Variants in OPCML observed in about 807,000 individuals in gnomAD.
The protein encoded by OPCML is opioid binding protein/cell adhesion molecule like, also known as opioid-binding protein/cell adhesion molecule.
Under a neutral mutation model 37.8 loss-of-function variants are expected in OPCML, and 13 were observed. That is an observed-to-expected ratio of 0.34 (90% confidence interval 0.22 to 0.55). The LOEUF is 0.55. OPCML is among the 20% of genes least tolerant of loss of function. The pLI is 0.91. For missense variants in OPCML, 341 were observed against 435.6 expected, an observed-to-expected ratio of 0.78 and a Z score of 1.93; for synonymous variants, 176 against 168.8, an observed-to-expected ratio of 1.04 and a Z score of -0.33.
intron 1 of OPCML, among the ~76,000 whole-genome samples, chr11:133,310,372 C>T (rs182762809): frequency 6.6e-6 from 1 of 152,266 alleles, no homozygotes; most frequent in African/African-American, 2.4e-5. Flanking sequence ...TTCAGTCTGT[C>T]AGCTCAGCTC....
chr11:133,239,002 G>A (rs761550741), intron 1 of OPCML, among the ~76,000 whole-genome samples: 9 of 152,156 alleles, frequency 5.9e-5, no homozygotes, highest in Non-Finnish European at 1.0e-4. Context: ...AGGCAGCCTG[G>A]GTGGGGACAG....
chr11:133,489,154 G>A (rs1047038310), intron 1 of OPCML, among the ~76,000 whole-genome samples: 4 of 151,944 alleles, frequency 2.6e-5, no homozygotes, highest in African/African-American at 9.7e-5. Flanking sequence ...AACTTTTCTG[G>A]ACATTGGCCT....
At chr11:133,106,470 GC>G (rs1383049666) in intron 1 of OPCML, among the ~76,000 whole-genome samples, 3 of 152,216 alleles carry the variant, frequency 2.0e-5, no homozygotes, top group Non-Finnish European at 4.4e-5. Flanking sequence ...CAGAGCTCAA[GC>G]TTTTATGCAC....
At chr11:133,522,231 T>C (rs1948410450) in intron 1 of OPCML, among the ~76,000 whole-genome samples, 2 of 152,206 alleles carry the variant, frequency 1.3e-5, no homozygotes, top group South Asian at 2.1e-4. Flanking sequence ...TTCTCTTGGC[T>C]TAGTGCAGAG....
chr11:133,469,652 C>A (rs964086153), intron 1 of OPCML, among the ~76,000 whole-genome samples: 7 of 151,976 alleles, frequency 4.6e-5, no homozygotes, highest in Admixed American at 1.3e-4. Context: ...CAGGAAGAAT[C>A]CTCATCTCTA....
chr11:133,161,293 T>C (rs1950138145), intron 1 of OPCML, among the ~76,000 whole-genome samples: 1 of 152,196 alleles, frequency 6.6e-6, no homozygotes, highest in Admixed American at 6.5e-5. Context: ...AGAGGAGATA[T>C]CGAGTGGCAT....
At chr11:133,432,516 T>G (rs1366547193) in intron 1 of OPCML, among the ~76,000 whole-genome samples, 1 of 152,088 alleles carries the variant, frequency 6.6e-6, no homozygotes, top group African/African-American at 2.4e-5. Context: ...GCTGGGATTA[T>G]AGGCACGAGC....
chr11:132,822,168 C>T (rs1940030356), intron 2 of OPCML, among the ~76,000 whole-genome samples: 1 of 152,094 alleles, frequency 6.6e-6, no homozygotes, highest in South Asian at 2.1e-4. Context: ...TAAGACTACA[C>T]AGCTGGTGTG....
chr11:133,397,061 G>C (rs151257272), intron 1 of OPCML, among the ~76,000 whole-genome samples: 1 of 152,134 alleles, frequency 6.6e-6, no homozygotes, highest in Admixed American at 6.5e-5. Context: ...TTTGAGAAAA[G>C]CATTGATTCT....
intron 1 of OPCML, among the ~76,000 whole-genome samples, chr11:133,500,751 C>G (rs1464090728): frequency 6.6e-6 from 1 of 152,176 alleles, no homozygotes; most frequent in Admixed American, 6.5e-5. Flanking sequence ...GGCTGGAGTT[C>G]CCAGAGTTAC....
chr11:132,824,218 T>G (rs185325050), intron 2 of OPCML, among the ~76,000 whole-genome samples: 4 of 152,240 alleles, frequency 2.6e-5, no homozygotes, highest in Non-Finnish European at 5.9e-5. Context: ...TCTCTGGCTT[T>G]CTTTCTCTCA....
chr11:133,461,599 T>C (rs1247072245), intron 1 of OPCML, among the ~76,000 whole-genome samples: 1 of 151,628 alleles, frequency 6.6e-6, no homozygotes, highest in Non-Finnish European at 1.5e-5. Context: ...AGCAAAAAAC[T>C]TATACAGTGA....
intron 2 of OPCML, among the ~76,000 whole-genome samples, chr11:132,826,983 T>C (rs1484037744): frequency 6.6e-6 from 1 of 152,156 alleles, no homozygotes; most frequent in Non-Finnish European, 1.5e-5. Context: ...AGTCTCCAAA[T>C]ATCTACCCTA....
intron 1 of OPCML, among the ~76,000 whole-genome samples, chr11:133,415,252 T>C (rs1945735473): frequency 6.6e-6 from 1 of 151,558 alleles, no homozygotes; most frequent in Non-Finnish European, 1.5e-5. Context: ...TACAAAAAAA[T>C]ACAAAAAATT....
intron 1 of OPCML, chr11:133,299,622 C>A (rs533313357): frequency 6.6e-6 from 1 of 152,290 alleles, no homozygotes; most frequent in South Asian, 2.1e-4. Context: ...GACAAGCATA[C>A]CTGAAATTGA....
intron 3 of OPCML, among the ~76,000 whole-genome samples, chr11:132,608,090 T>A (rs193107848): frequency 6.6e-6 from 1 of 152,324 alleles, no homozygotes; most frequent in African/African-American, 2.4e-5. Context: ...ATTATATAAA[T>A]GTATTAGATC....
intron 3 of OPCML, among the ~76,000 whole-genome samples, chr11:132,579,111 A>G (rs117512054): frequency 0.023 from 3,491 of 151,810 alleles, 53 homozygotes; most frequent in Non-Finnish European, 0.035. Flanking sequence ...AACTGGGGGG[A>G]GGCCTATATT....
intron 1 of OPCML, among the ~76,000 whole-genome samples, chr11:133,136,376 T>C (rs1949690327): frequency 3.2e-5 from 2 of 62,582 alleles, no homozygotes; most frequent in Admixed American, 4.8e-4. Context: ...GAGCCCCAAC[T>C]TTTTTCCCCA....
At chr11:132,758,894 T>C (rs1946161134) in intron 2 of OPCML, among the ~76,000 whole-genome samples, 1 of 152,224 alleles carries the variant, frequency 6.6e-6, no homozygotes, top group Admixed American at 6.5e-5. Flanking sequence ...TCAAAGGGAA[T>C]GTTTCCATCT....
Sources: allele counts gnomAD v4.1 joint callset (sites outside exome capture counted in the v4.1 genomes callset), GRCh38; gene constraint gnomAD v4.1.1; transcripts MANE v1.5; gene names NCBI Gene and HGNC (gene_info 2026-07-23, HGNC 2026-07-21).